Variants in PNKP observed in about 807,000 individuals in gnomAD.
The protein encoded by PNKP is bifunctional polynucleotide phosphatase/kinase.
Under a neutral mutation model 66.2 loss-of-function variants are expected in PNKP, and 82 were observed. The ratio of observed to expected loss-of-function variants is 1.24; its 90% CI spans 1.04 to 1.49. The LOEUF (loss-of-function observed/expected upper bound fraction) is 1.49. PNKP is among the 40% of genes most tolerant of loss of function. The pLI is 0.00. For missense variants in PNKP, 907 were observed against 706.8 expected (o/e 1.28, Z -3.21); for synonymous variants, 412 against 298.9 (o/e 1.38, Z -3.90).
chr19:49,861,720 C>T lies in PNKP; in HGVS notation c.1299-25G>A, dbSNP rs536614762. 7.7e-6 allele frequency: 12 copies of T among 1,548,668 alleles called. No homozygotes were observed. In the South Asian group the frequency reaches 1.1e-4, roughly 14 times the overall value. ...CCTGTGGGGGAAGGAGCTGGATGTG[C>T]AGGCCCCGCCCACCCCGCCGCAGGC... On this transcript the variant is annotated intron_variant, in intron 14 of 16. Coordinates refer to ENST00000322344, the MANE Select transcript of PNKP (RefSeq NM_007254.4).
chr19:49,863,714 C>G lies in PNKP; in HGVS notation c.791G>C (p.Gly264Ala), dbSNP rs1600419895. 6.4e-7 allele frequency: 1 copy of G among 1,557,336 alleles called. No homozygotes were observed. The highest frequency in any genetic ancestry group is 8.7e-7 in the Non-Finnish European group (1 of 1,149,932). Residue 264 changes from glycine (G) to alanine (A), a missense_variant, in exon 8 of 17, where the codon GGC (glycine) becomes GCC (alanine). Coordinates refer to ENST00000322344, the MANE Select transcript of PNKP (RefSeq NM_007254.4). ...CTGCTCCTGCAGATGGTCCCACATG[C>G]CCGTCACCGGCTTCCGGTACAAGCC... is the stretch of plus-strand genomic sequence containing the variant. Reference protein sequence around the residue: ...HAGLYRKPVTGMWDHLQEQAN... With the variant: ...HAGLYRKPVTAMWDHLQEQAN...
At position 49,862,724 on chromosome 19, in the gene PNKP, CGTGCCGTCGTTGGCCTACG is replaced by C. The variant is rs2074787400; in HGVS notation, c.817-5_830del. 1 of 1,613,972 alleles carries C rather than the reference CGTGCCGTCGTTGGCCTACG, an allele frequency of 6.2e-7. No individual in the cohort carries two copies. Among genetic ancestry groups the C allele is most frequent in the African/African-American group, 1.3e-5 (1 of 74,918 alleles). On this transcript the variant is annotated splice_acceptor_variant and splice_polypyrimidine_tract_variant and coding_sequence_variant and intron_variant, in exon 9 of 17. Transcript: ENST00000322344. LOFTEE classifies it high-confidence loss of function. ...AGATGCTGTCCCCGATGGATATGGGCGTGCCGTCGTTGGCCTACGGGAGACGGTAGTGAGGAGGCCCTTC... is the reference window on the plus strand; with the variant it reads ...AGATGCTGTCCCCGATGGATATGGGCGGAGACGGTAGTGAGGAGGCCCTTC...
chr19:49,861,415 C>G (rs1040158382), intron 16 of PNKP, 34 bp downstream of exon 16: 3 of 1,613,974 alleles, frequency 1.9e-6, no homozygotes, highest in Non-Finnish European at 2.5e-6. Context: ...GTGGCCCAGC[C>G]AGTGCCCCTG....
In PNKP at chr19:49,867,136, G is replaced by A. The variant is rs2122345008; in HGVS notation, c.69C>T (p.Phe23=). The A allele has an allele frequency of 2.5e-6, 4 of 1,612,994 alleles. No individual in the cohort carries two copies. Among genetic ancestry groups the A allele is most frequent in the Non-Finnish European group, 3.4e-6 (4 of 1,179,844 alleles). The change falls in exon 2 of 17, where the codon TTC becomes TTT. Residue 23 remains phenylalanine, a synonymous_variant. Transcript: ENST00000322344. Reference sequence around the variant, plus strand: ...CCAGGGCTTGCCCGTCCGAGGGCAGGAAGATGGGGGGCGCTCCCCCAGGGG... The same window carrying A: ...CCAGGGCTTGCCCGTCCGAGGGCAGAAAGATGGGGGGCGCTCCCCCAGGGG... ...ESPPGGAPPI[F]LPSDGQALVL...
chr19:49,863,791 C>T (rs1366191009), intron 7 of PNKP, 31 bp from the exon 8 acceptor site: 1 of 1,544,258 alleles, frequency 6.5e-7, no homozygotes, highest in Admixed American at 2.0e-5. Context: ...CCAGCTTTAG[C>T]TCCCCCTCAA....
chr19:49,862,107 T>C lies in PNKP; in HGVS notation c.1127-2A>G, dbSNP rs1361138342. ...TCTTGAGAAAGGTGGACTTCCCGGC[T>C]GTGTGGGGGGCAGTGTCGGTGGGTG... On this transcript the variant is annotated splice_acceptor_variant, in intron 12 of 16. Transcript: ENST00000322344. LOFTEE classifies it high-confidence loss of function. The C allele has an allele frequency of 6.2e-7, 1 of 1,614,048 alleles. No individual in the cohort carries two copies. Among genetic ancestry groups the C allele is most frequent in the South Asian group, 1.1e-5 (1 of 91,074 alleles).
Position 49,866,463 on chromosome 19 carries a change from G to C in PNKP, c.152-18C>G, listed in dbSNP as rs779728115. The C allele has an allele frequency of 1.6e-5, 26 of 1,613,760 alleles. No individual in the cohort carries two copies. The highest frequency in any genetic ancestry group is 2.2e-5 in the Non-Finnish European group (26 of 1,179,736). ...CAGCTCCACTGAGGATTGGAGGGGT[G>C]GAGTCAGGATTTGCATCCTTGTGTG... On this transcript the variant is annotated intron_variant, in intron 2 of 16. Transcript: ENST00000322344.
In PNKP at chr19:49,862,609, CTGGAACACACGG is replaced by C. The variant is rs1255154036; in HGVS notation, c.866-13_866-2del. ...CAGTTGGCCGGGCGTCCGGCTGCGT[CTGGAACACACGG>C]GACACCCCGTTCCCACCAGCTCGGA... On this transcript the variant is annotated splice_acceptor_variant and splice_polypyrimidine_tract_variant and intron_variant, in intron 9 of 16. Transcript: ENST00000322344. LOFTEE classifies it high-confidence loss of function. 1.2e-6 allele frequency: 2 copies of C among 1,613,898 alleles called. No individual in the cohort carries two copies. The highest frequency in any genetic ancestry group is 1.7e-6 in the Non-Finnish European group (2 of 1,179,890).
Position 49,861,242 on chromosome 19 carries a change from CGGGGCTCAG to C in PNKP, c.1563_*5del. On this transcript the variant is annotated stop_lost and 3_prime_UTR_variant, in exon 17 of 17. Transcript: ENST00000322344. ...GCGTTTATTGTGGAGGGGAGCTGGG[CGGGGCTCAG>C]CCCTCGGAGAACTGGCAGTACAGCC... 1 of 1,555,188 alleles carries C rather than the reference CGGGGCTCAG, an allele frequency of 6.4e-7. No individual in the cohort carries two copies. Among genetic ancestry groups the C allele is most frequent in the Non-Finnish European group, 8.9e-7 (1 of 1,126,674 alleles).
chr19:49,865,995 C>T, intron 3 of PNKP: 1 of 329,702 alleles, frequency 3.0e-6, no homozygotes, highest in Non-Finnish European at 5.9e-6. Flanking sequence ...GACACATCCC[C>T]TTCTCTCCCA....
intron 2 of PNKP, 146 bp downstream of exon 2, chr19:49,866,908 C>G (rs1037144507): frequency 3.6e-6 from 3 of 837,424 alleles, no homozygotes; most frequent in Non-Finnish European, 4.2e-6. Flanking sequence ...CAAGCACAAA[C>G]TTTATCTTCC....
intron 8 of PNKP, 121 bp from the exon 9 acceptor site, chr19:49,862,859 T>C: frequency 1.9e-6 from 2 of 1,052,340 alleles, no homozygotes; most frequent in Non-Finnish European, 2.9e-6. Context: ...CGACCTTTCA[T>C]GTCCTCACTC....
At position 49,862,548 on chromosome 19, in the gene PNKP, G is replaced by A. The variant is rs1213408016; in HGVS notation, c.926C>T (p.Ala309Val). ...GGGCAGGGGCCTCACCAGGCGATCG[G>A]CGCAGGAGAAGTCTTTCTTCTTCCG... ...PGRKKKDFSC[A>V]DRLFALNLGL... The change falls in exon 10 of 17, where the codon GCC becomes GTC. Residue 309 changes from alanine to valine, a missense_variant. Physicochemically the swap from Ala to Val is moderately conservative, Grantham distance 64. Transcript: ENST00000322344. The A allele has an allele frequency of 6.2e-7, 1 of 1,610,906 alleles. No individual in the cohort carries two copies. Among genetic ancestry groups the A allele is most frequent in the Non-Finnish European group, 8.5e-7 (1 of 1,178,542 alleles).
In PNKP at chr19:49,866,460, G is replaced by C. The variant is rs367755400; in HGVS notation, c.152-15C>G. ...GACCAGCTCCACTGAGGATTGGAGG[G>C]GTGGAGTCAGGATTTGCATCCTTGT... On this transcript the variant is annotated splice_polypyrimidine_tract_variant and intron_variant, in intron 2 of 16. Coordinates refer to ENST00000322344, the MANE Select transcript of PNKP (RefSeq NM_007254.4). 1.9e-6 allele frequency: 3 copies of C among 1,613,734 alleles called. No homozygotes were observed. Among genetic ancestry groups the C allele is most frequent in the African/African-American group, 2.7e-5 (2 of 74,946 alleles).
At position 49,861,786 on chromosome 19, in the gene PNKP, G is replaced by C. The variant is rs749177501; in HGVS notation, c.1284C>G (p.Ala428=). Residue 428 remains alanine, a synonymous_variant, in exon 14 of 17, where the codon GCC becomes GCG. Transcript: ENST00000322344. ...GGTCACGCTACCTGGCGCGGCTCGC[G>C]GCGTCTGGGTTTGTGTTGTCGATGG... is the stretch of plus-strand genomic sequence containing the variant. The part of the protein sequence containing the change: ...RVAIDNTNPD[A]ASRARYVQCA... 21 of 1,565,760 alleles carry C rather than the reference G, an allele frequency of 1.3e-5. No individual in the cohort carries two copies. The highest frequency in any genetic ancestry group is 1.7e-5 in the Non-Finnish European group (20 of 1,158,618).
intron 1 of PNKP, 43 bp downstream of exon 1, chr19:49,867,426 G>A (rs1053448409): frequency 6.6e-6 from 4 of 603,922 alleles, no homozygotes; most frequent in Non-Finnish European, 1.2e-5. Context: ...CCAGCGTACA[G>A]GCAGAGAGCC....
At chr19:49,865,885 T>C (rs926627094) in intron 3 of PNKP, 5 of 240,474 alleles carry the variant, frequency 2.1e-5, no homozygotes, top group Admixed American at 5.2e-5. Context: ...AGTGCTGGGA[T>C]TACAGGCGTG....
chr19:49,862,506 C>T (rs1302162016), intron 10 of PNKP, 32 bp downstream of exon 10: 5 of 1,600,716 alleles, frequency 3.1e-6, no homozygotes, highest in Non-Finnish European at 2.6e-6. Flanking sequence ...CAGGGTCGGG[C>T]TCGGGCGCGG....
chr19:49,865,551 A>ACTTTGGAACGGG (rs552631437), intron 3 of PNKP, 125 bp from the exon 4 acceptor site: 5 of 629,080 alleles, frequency 7.9e-6, no homozygotes, highest in Admixed American at 2.7e-5. Context: ...CCACCTCTTC[A>ACTTTGGAACGGG]CTTTGGAACG....
Sources: gnomAD v4.1 joint callset for allele counts on GRCh38, gnomAD v4.1.1 for gene constraint, MANE v1.5 for transcripts, NCBI Gene and HGNC (gene_info 2026-07-23, HGNC 2026-07-21) for gene names.